CPNE7: variants seen among roughly 807,000 people sequenced by gnomAD.
CPNE7 encodes copine 7.
CPNE7 carries 78 observed loss-of-function variants against 66.5 expected under a neutral mutation model. The observed-to-expected ratio is 1.17, with a 90% CI of 0.98 to 1.42. The LOEUF is 1.42. Ranked by LOEUF, CPNE7 falls within the 40% of genes most tolerant of loss-of-function variation. The pLI is 0.00. For synonymous variants in CPNE7, 468 were observed against 336.7 expected (o/e 1.39, Z -4.27); for missense variants, 1,012 against 776.6 (o/e 1.30, Z -3.60).
chr16:89,592,974 G>A (rs781654790), intron 13 of CPNE7, among the ~76,000 whole-genome samples: 59 of 150,412 alleles, frequency 3.9e-4, no homozygotes, highest in Non-Finnish European at 6.8e-4. Flanking sequence ...CACCATACCC[G>A]GCTAATTTTT....
intron 2 of CPNE7, among the ~76,000 whole-genome samples, chr16:89,580,790 C>T (rs571290601): frequency 4.7e-5 from 7 of 150,172 alleles, no homozygotes; most frequent in East Asian, 2.0e-4. Context: ...ACATCTCACC[C>T]GTCACACGGA....
At chr16:89,589,736 C>A (rs572614479) in intron 10 of CPNE7, among the ~76,000 whole-genome samples, 161 bp from the exon 11 acceptor site, 1 of 152,298 alleles carries the variant, frequency 6.6e-6, no homozygotes, top group South Asian at 2.1e-4. Context: ...GCCTCTGCTG[C>A]CCTGAGCCTC....
At chr16:89,580,956 GCTGACATGGAACATCTCACCCA>G (rs1440736617) in intron 2 of CPNE7, among the ~76,000 whole-genome samples, 1 of 120,924 alleles carries the variant, frequency 8.3e-6, no homozygotes, top group Non-Finnish European at 1.6e-5. Flanking sequence ...CCCGTCACCC[GCTGACATGGAACATCTCACCCA>G]TCACACGGAA....
intron 13 of CPNE7, among the ~76,000 whole-genome samples, chr16:89,594,425 G>A (rs958451181): frequency 6.6e-6 from 1 of 152,054 alleles, no homozygotes; most frequent in Admixed American, 6.6e-5. Context: ...TCTGAGTGGG[G>A]TCCTGGGGCC....
chr16:89,591,250 G>A lies in CPNE7; in HGVS notation c.1292G>A (p.Gly431Glu), dbSNP rs1481570266. 3.2e-6 allele frequency: 5 copies of A among 1,582,480 alleles called. No individual in the cohort carries two copies. In the African/African-American group the frequency reaches 5.4e-5, roughly 17 times the overall value. Residue 431 changes from glycine to glutamate, a missense_variant, in exon 13 of 15, where the codon GGG becomes GAG. Coordinates refer to ENST00000319518, the MANE Select transcript of CPNE7 (RefSeq NM_153636.3). ...GTGGCGGCGGCCGAGGAGAGCACCG[G>A]GAAAGCCTCTGTAGGTGCCCGGGGG... Reference protein sequence around the residue: ...ARVAAAEESTGKASQYYILLI... With the variant: ...ARVAAAEESTEKASQYYILLI...
At chr16:89,587,898 ACAGATACACGGCCCCCG>A (rs2059098467) in intron 9 of CPNE7, among the ~76,000 whole-genome samples, 1 of 56,012 alleles carries the variant, frequency 1.8e-5, no homozygotes, top group Non-Finnish European at 3.7e-5. Flanking sequence ...CGTGTCACCC[ACAGATACACGGCCCCCG>A]TGTCACCCGC....
Position 89,588,713 on chromosome 16 carries a change from G to T in CPNE7, c.966G>T (p.Arg322=). Residue 322 remains arginine (R), a synonymous_variant, in exon 10 of 15, where the codon CGG becomes CGT. Coordinates refer to ENST00000319518, the MANE Select transcript of CPNE7 (RefSeq NM_153636.3). ...IDFTASNGDP[R]NSCSLHYINP... ...TCACCGCCTCCAATGGAGACCCGCG[G>T]AACAGCTGCTCCCTGCACTACATCA... 6.2e-7 allele frequency: 1 copy of T among 1,613,534 alleles called. No individual in the cohort carries two copies. The highest frequency in any genetic ancestry group is 8.5e-7 in the Non-Finnish European group (1 of 1,179,966).
At chr16:89,577,767 G>A (rs1196785205) in intron 2 of CPNE7, 46 bp downstream of exon 2, 1 of 1,537,108 alleles carries the variant, frequency 6.5e-7, no homozygotes, top group Non-Finnish European at 8.8e-7. Context: ...TTGGCGTGGG[G>A]GCCACAGCCG....
rs370376972 is a variant in CPNE7, at chr16:89,586,675, G to C, written c.786G>C (p.Gln262His). 1.9e-6 allele frequency: 3 copies of C among 1,612,670 alleles called. No individual in the cohort carries two copies. The African/African-American group carries it at 4.0e-5, about 22-fold the overall frequency. Residue 262 changes from glutamine to histidine, a missense_variant, in exon 8 of 15, where the codon CAG (glutamine) becomes CAC (histidine). Coordinates refer to ENST00000319518, the MANE Select transcript of CPNE7 (RefSeq NM_153636.3). ...MQKAFEEGQAQWDCVNPKYKQ... is the reference protein window; with the variant it reads ...MQKAFEEGQAHWDCVNPKYKQ... ...TCTGCTTGTTCCTGCCCCAGGCCCA[G>C]TGGGACTGTGTGAACCCCAAATACA... is the stretch of plus-strand genomic sequence containing the variant.
In CPNE7 at chr16:89,585,665, TGAG is replaced by T; in HGVS notation, c.682-16_682-14del. 1.3e-6 allele frequency: 2 copies of T among 1,552,794 alleles called. No individual in the cohort carries two copies. The highest frequency in any genetic ancestry group is 1.7e-6 in the Non-Finnish European group (2 of 1,147,044). ...TCCTGGGGCCCCCAGACAGCAGTGC[TGAG>T]GAGGACTGGGCTCCCCAGTGCCTGG... On this transcript the variant is annotated intron_variant, in intron 6 of 14. Transcript: ENST00000319518.
chr16:89,583,619 G>A (rs1159033881), intron 2 of CPNE7, 78 bp from the exon 3 acceptor site: 1 of 1,608,862 alleles, frequency 6.2e-7, no homozygotes, highest in Admixed American at 1.7e-5. Flanking sequence ...TGAGAGTCCG[G>A]GTGAGGGCGC....
chr16:89,580,516 T>C lies in CPNE7; in HGVS notation c.357+2795T>C, dbSNP rs555588966. Among the ~76,000 whole-genome samples, 158 of 136,234 alleles carry C rather than the reference T, an allele frequency of 1.2e-3. 1 individual carries two copies. Among genetic ancestry groups the C allele is most frequent in the African/African-American group, 4.1e-3 (148 of 35,708 alleles). 89.4% of individuals were successfully genotyped at this position (136,234 alleles called of 152,430 possible). On this transcript the variant is annotated intron_variant, in intron 2 of 14. Transcript: ENST00000319518. Reference sequence around the variant, plus strand: ...CCGCTGACACAGAACATCTCACCCGTCACACGGAACATCCCATCACCCGTC... The same window carrying C: ...CCGCTGACACAGAACATCTCACCCGCCACACGGAACATCCCATCACCCGTC...
At chr16:89,581,293 A>AGAATATCCCGTCACCCATCACACG (rs1567953786) in intron 2 of CPNE7, among the ~76,000 whole-genome samples, 1 of 120,374 alleles carries the variant, frequency 8.3e-6, no homozygotes, top group South Asian at 2.7e-4. Flanking sequence ...CCAGTCACAC[A>AGAATATCCCGTCACCCATCACACG]GAACATCCCG....
chr16:89,587,305 CCCAT>C lies in CPNE7; in HGVS notation c.927+206_927+209del, dbSNP rs1567959939. On this transcript the variant is annotated intron_variant, in intron 9 of 14. Transcript: ENST00000319518. The stretch of plus-strand genomic sequence containing the variant: ...CCCGCCCCCTCAGTCTGTGGCCCCG[CCCAT>C]CCCCGCCCCCTCAGTCCGTGGCCCC... Among the ~76,000 whole-genome samples, 2 of 2,980 alleles carry C rather than the reference CCCAT, an allele frequency of 6.7e-4. 1 individual carries two copies. Among genetic ancestry groups the C allele is most frequent in the Non-Finnish European group, 1.8e-3 (2 of 1,138 alleles). The allele number at this position is 2,980 out of a possible 152,430, so 2.0% of individuals were successfully genotyped here. A position where few individuals can be genotyped will look rare whatever the true frequency, so the allele number is the denominator to read the frequency against.
intron 2 of CPNE7, 69 bp downstream of exon 2, chr16:89,577,790 T>G: frequency 1.3e-6 from 2 of 1,495,218 alleles, no homozygotes; most frequent in Non-Finnish European, 9.0e-7. Context: ...TCAAGGCTGA[T>G]GTACCAGCAC....
chr16:89,587,738 TACACGGCCCCCGTGTCACCCGCGTGTC>T (rs1567960806), intron 9 of CPNE7: 6 of 128,054 alleles, frequency 4.7e-5, no homozygotes, highest in African/African-American at 2.9e-4. Context: ...CACCCACAGA[TACACGGCCCCCGTGTCACCCGCGTGTC>T]ACCCACAGAA....
chr16:89,583,943 G>T, intron 3 of CPNE7, 85 bp from the exon 4 acceptor site: 1 of 1,543,792 alleles, frequency 6.5e-7, no homozygotes, highest in Non-Finnish European at 8.8e-7. Context: ...GCTGGGTGGG[G>T]TCAGCCAGCC....
intron 2 of CPNE7, among the ~76,000 whole-genome samples, chr16:89,582,955 G>T (rs1286631670): frequency 6.6e-6 from 1 of 152,340 alleles, no homozygotes; most frequent in Non-Finnish European, 1.5e-5. Context: ...GCCTGGGAGG[G>T]CCGTGTGCCC....
At chr16:89,580,877 G>C (rs1187796032) in intron 2 of CPNE7, among the ~76,000 whole-genome samples, 1,869 of 42,882 alleles carry the variant, frequency 0.044, no homozygotes, top group Middle Eastern at 0.16. Flanking sequence ...CACGGAACAT[G>C]CCATCACCCG....
Sources: gnomAD v4.1 joint callset for allele counts (sites outside exome capture counted in the v4.1 genomes callset) on GRCh38, gnomAD v4.1.1 for gene constraint, MANE v1.5 for transcripts, NCBI Gene and HGNC (gene_info 2026-07-23, HGNC 2026-07-21) for gene names.